The following SNX29 variants were observed in gnomAD, a reference collection of about 807,000 sequenced individuals.
SNX29 encodes the protein sorting nexin 29, also known as sorting nexin-29.
In SNX29, 78 loss-of-function variants were observed where a neutral mutation model predicts 102.1. The ratio of observed to expected loss-of-function variants is 0.76; its 90% CI spans 0.64 to 0.92. The LOEUF is 0.92. Among genes scored for constraint, SNX29 ranks in the 40% least tolerant of loss-of-function variants. The pLI is 0.00. For synonymous variants in SNX29, 580 were observed against 414.5 expected, an observed-to-expected ratio of 1.40 and a Z score of -4.85; for missense variants, 1,280 against 1,061.7, an observed-to-expected ratio of 1.21 and a Z score of -2.86.
At chr16:12,511,378 G>A (rs1285235269) in intron 19 of SNX29, among the ~76,000 whole-genome samples, 1 of 152,032 alleles carries the variant, frequency 6.6e-6, no homozygotes, top group African/African-American at 2.4e-5. Flanking sequence ...TGCCAAATGG[G>A]GATATTACTG....
chr16:12,560,146 A>G (rs1360996929), intron 20 of SNX29, among the ~76,000 whole-genome samples: 3 of 18,496 alleles, frequency 1.6e-4, no homozygotes, highest in African/African-American at 6.7e-4. Flanking sequence ...CCCCCCCCCA[A>G]CAAACAGTAA....
rs143446071 is a variant in SNX29, at chr16:12,570,257, T to C, written c.*1628T>C. 4.7e-6 allele frequency: 5 copies of C among 1,064,826 alleles called. No individual in the cohort carries two copies. Among genetic ancestry groups the C allele is most frequent in the Middle Eastern group, 4.2e-4 (1 of 2,400 alleles). 66.0% of individuals were successfully genotyped at this position (1,064,826 alleles called of 1,614,324 possible). A position where few individuals can be genotyped will look rare whatever the true frequency, so the allele number is the denominator to read the frequency against. On this transcript the variant is annotated 3_prime_UTR_variant, in exon 21 of 21. Transcript: ENST00000566228. ...CGGTGAGACCAAATGAGCTGGAGCA[T>C]GTATGGAGGTGCGGACCCTGCAGTC...
intron 10 of SNX29, among the ~76,000 whole-genome samples, chr16:12,077,892 A>G (rs2051659678): frequency 6.6e-6 from 1 of 152,128 alleles, no homozygotes; most frequent in Non-Finnish European, 1.5e-5. Context: ...AAGTATTGCG[A>G]TTACAGGCAT....
chr16:12,232,094 AG>A (rs1485185907), intron 14 of SNX29, among the ~76,000 whole-genome samples: 1 of 152,086 alleles, frequency 6.6e-6, no homozygotes, highest in Non-Finnish European at 1.5e-5. Context: ...TTAGGTTTTT[AG>A]CAGTTGTTGT....
intron 18 of SNX29, among the ~76,000 whole-genome samples, chr16:12,471,078 AG>A (rs745526808): frequency 4.6e-5 from 7 of 152,118 alleles, no homozygotes; most frequent in Non-Finnish European, 8.8e-5. Context: ...TGCCTCTTGC[AG>A]GAGCACCCGA....
At position 12,254,181 on chromosome 16, in the gene SNX29, G is replaced by A. The variant is rs954628193; in HGVS notation, c.1679-23752G>A. Among the ~76,000 whole-genome samples the A allele has an allele frequency of 3.9e-5, 6 of 152,134 alleles. No individual in the cohort carries two copies. In the East Asian group the frequency reaches 1.2e-3, roughly 29 times the overall value. ...CTACGGAGAGACAGAAGGAACGTGG[G>A]TATCAAGAGTTCAGTTAGTATGCCG... is the stretch of plus-strand genomic sequence containing the variant. On this transcript the variant is annotated intron_variant, in intron 14 of 20. Transcript: ENST00000566228.
intron 14 of SNX29, among the ~76,000 whole-genome samples, chr16:12,270,493 A>T (rs1256732941): frequency 6.6e-6 from 1 of 152,142 alleles, no homozygotes; most frequent in Non-Finnish European, 1.5e-5. Context: ...TTGTGCTTGC[A>T]TGAACTTAGC....
chr16:12,399,592 C>T (rs1232781148), intron 17 of SNX29, among the ~76,000 whole-genome samples: 2 of 152,212 alleles, frequency 1.3e-5, no homozygotes, highest in African/African-American at 4.8e-5. Flanking sequence ...GCCATTTGAC[C>T]TCACTGGGCC....
rs554817748 is a variant in SNX29 at position 12,368,653 on chromosome 16, C to T, written c.1899+12374C>T. Among the ~76,000 whole-genome samples, 10 of 152,330 alleles carry T rather than the reference C, an allele frequency of 6.6e-5. 1 individual carries two copies. The East Asian group carries it at 1.7e-3, about 26-fold the overall frequency. Reference sequence around the variant, plus strand: ...CTGCTTGGATAATGCTGAGATCTTTCCTGCCACTGATCCTGAAGGAATAGA... The same window carrying T: ...CTGCTTGGATAATGCTGAGATCTTTTCTGCCACTGATCCTGAAGGAATAGA... On this transcript the variant is annotated intron_variant, in intron 16 of 20. Coordinates refer to ENST00000566228, the MANE Select transcript of SNX29 (RefSeq NM_032167.5).
chr16:12,001,347 G>A (rs769840008), intron 2 of SNX29, among the ~76,000 whole-genome samples: 2 of 152,000 alleles, frequency 1.3e-5, no homozygotes, highest in South Asian at 4.2e-4. Flanking sequence ...TCCTGACCTC[G>A]GGTGATCCGC....
rs536014918 is a variant in SNX29 at position 12,117,803 on chromosome 16, A to T, written c.1403-8830A>T. ...TACCTCAGTACATGATTTTTAAAAAACCTTCAGTTTGGCGGGGCACGGTGG... is the reference window on the plus strand; with the variant it reads ...TACCTCAGTACATGATTTTTAAAAATCCTTCAGTTTGGCGGGGCACGGTGG... On this transcript the variant is annotated intron_variant, in intron 11 of 20. Coordinates refer to ENST00000566228, the MANE Select transcript of SNX29 (RefSeq NM_032167.5). Among the ~76,000 whole-genome samples the T allele has an allele frequency of 2.6e-5, 4 of 152,108 alleles. No homozygotes were observed. The South Asian group carries it at 8.3e-4, about 32-fold the overall frequency.
At chr16:12,527,639 G>A (rs115167791) in intron 20 of SNX29, among the ~76,000 whole-genome samples, 1 of 152,064 alleles carries the variant, frequency 6.6e-6, no homozygotes, top group Non-Finnish European at 1.5e-5. Context: ...AGGCTCAAAG[G>A]GGCGAACTGG....
Position 12,121,670 on chromosome 16 carries a change from C to G in SNX29, c.1403-4963C>G, listed in dbSNP as rs761295346. On this transcript the variant is annotated intron_variant, in intron 11 of 20. Coordinates refer to ENST00000566228, the MANE Select transcript of SNX29 (RefSeq NM_032167.5). ...TTTGCTGGCTCCCCTTTTTGGTGGC[C>G]CTCTGCCTTGTGGCTGCATCTGCAT... Among the ~76,000 whole-genome samples the G allele has an allele frequency of 5.3e-5, 8 of 152,204 alleles. No homozygotes were observed. In the East Asian group the frequency reaches 1.5e-3, roughly 29 times the overall value.
In SNX29 at chr16:12,570,419, GGC is replaced by G. The variant is rs2079162484; in HGVS notation, c.*1791_*1792del. On this transcript the variant is annotated 3_prime_UTR_variant, in exon 21 of 21. Transcript: ENST00000566228. ...AGAGTGCACATCAGCTCACATGACT[GGC>G]AACTCTAAATAGAGAGCCCTAATGG... The G allele has an allele frequency of 7.7e-6, 2 of 260,982 alleles. No homozygotes were observed. Among genetic ancestry groups the G allele is most frequent in the Non-Finnish European group, 1.4e-5 (2 of 143,782 alleles). The allele number at this position is 260,982 out of a possible 1,614,324, so 16.2% of individuals were successfully genotyped here.
chr16:12,545,630 CTTCTG>C (rs1487529787), intron 20 of SNX29: 2 of 152,162 alleles, frequency 1.3e-5, no homozygotes, highest in Non-Finnish European at 2.9e-5. Flanking sequence ...TGGCTCTTTT[CTTCTG>C]TTCTGAGTCT....
intron 13 of SNX29, among the ~76,000 whole-genome samples, chr16:12,171,948 C>T (rs2076158864): frequency 6.6e-6 from 1 of 152,188 alleles, no homozygotes; most frequent in Non-Finnish European, 1.5e-5. Context: ...CCAAGCCTCA[C>T]AGGACATTGA....
chr16:12,080,545 A>T (rs1211831184), intron 11 of SNX29, among the ~76,000 whole-genome samples: 1 of 151,932 alleles, frequency 6.6e-6, no homozygotes, highest in African/African-American at 2.4e-5. Flanking sequence ...ATTCATTTTT[A>T]TTTATTTATT....
chr16:12,439,494 C>T (rs1000253745), intron 18 of SNX29, among the ~76,000 whole-genome samples: 4 of 152,170 alleles, frequency 2.6e-5, no homozygotes, highest in African/African-American at 7.2e-5. Context: ...ACAATCATGG[C>T]GGAAGGTGAA....
chr16:12,159,662 C>G (rs919428805), intron 13 of SNX29, among the ~76,000 whole-genome samples: 1 of 152,092 alleles, frequency 6.6e-6, no homozygotes, highest in Non-Finnish European at 1.5e-5. Flanking sequence ...AAGTTTGAGA[C>G]CAGCCTGGGC....
Sources: allele counts gnomAD v4.1 joint callset (sites outside exome capture counted in the v4.1 genomes callset), GRCh38; gene constraint gnomAD v4.1.1; transcripts MANE v1.5; gene names NCBI Gene and HGNC (gene_info 2026-07-23, HGNC 2026-07-21).